CREB5: variants seen among roughly 807,000 people sequenced by gnomAD.
CREB5 encodes the protein cyclic AMP-responsive element-binding protein 5.
CREB5 carries 19 observed loss-of-function variants against 57.1 expected under a neutral mutation model. The ratio of observed to expected loss-of-function variants is 0.33; its 90% confidence interval spans 0.23 to 0.49. The LOEUF (loss-of-function observed/expected upper bound fraction) is 0.49. Ranked by LOEUF, CREB5 falls within the 20% of genes least tolerant of loss-of-function variation. The pLI, the probability that CREB5 is intolerant of heterozygous loss-of-function variation, is 0.99. For missense variants in CREB5, 579 were observed against 671.6 expected, an observed-to-expected ratio of 0.86 and a Z score of 1.52; for synonymous variants, 238 against 238.3, an observed-to-expected ratio of 1.00 and a Z score of 0.01.
In CREB5 at chr7:28,612,791, T is replaced by C. The variant is rs1037174192; in HGVS notation, c.464+42254T>C. Among the ~76,000 whole-genome samples the C allele has an allele frequency of 4.6e-5, 7 of 152,200 alleles. No individual in the cohort carries two copies. The South Asian group carries it at 1.0e-3, about 22-fold the overall frequency. On this transcript the variant is annotated intron_variant, in intron 5 of 10. Coordinates refer to ENST00000357727, the MANE Select transcript of CREB5 (RefSeq NM_182898.4). ...GAAATTACCTGTCAGTAGGATTATG[T>C]TAAATAATGTTGAATTGTTATTAGT...
chr7:28,471,537 C>T (rs1790806943), intron 1 of CREB5, among the ~76,000 whole-genome samples: 1 of 152,174 alleles, frequency 6.6e-6, no homozygotes, highest in Non-Finnish European at 1.5e-5. Context: ...AAACACTACA[C>T]AGTACTACAG....
intron 1 of CREB5, among the ~76,000 whole-genome samples, chr7:28,364,936 A>G (rs1786557292): frequency 6.6e-6 from 1 of 152,072 alleles, no homozygotes; most frequent in Non-Finnish European, 1.5e-5. Context: ...ATGCCCCTTT[A>G]TTTATGAGAC....
intron 5 of CREB5, among the ~76,000 whole-genome samples, chr7:28,642,981 C>CACACACAA (rs1798729076): frequency 9.4e-6 from 1 of 105,828 alleles, no homozygotes; most frequent in Non-Finnish European, 2.0e-5. Flanking sequence ...CACACACACA[C>CACACACAA]ACACATACAC....
intron 1 of CREB5, among the ~76,000 whole-genome samples, chr7:28,404,428 T>A (rs1787536248): frequency 6.6e-6 from 1 of 152,084 alleles, no homozygotes. Context: ...AGATCATGAA[T>A]TTACCTTGTA....
chr7:28,490,918 G>A (rs1791772563), intron 2 of CREB5, among the ~76,000 whole-genome samples: 2 of 152,222 alleles, frequency 1.3e-5, no homozygotes. Flanking sequence ...CAACAGGCAG[G>A]GTAGAAAGAA....
chr7:28,303,493 G>A (rs1038469806), intron 1 of CREB5, among the ~76,000 whole-genome samples: 1 of 152,144 alleles, frequency 6.6e-6, no homozygotes, highest in African/African-American at 2.4e-5. Context: ...ATGTAGAGAG[G>A]CTCTTACCTC....
intron 5 of CREB5, among the ~76,000 whole-genome samples, chr7:28,682,745 T>C (rs1313630162): frequency 6.6e-6 from 1 of 152,036 alleles, no homozygotes; most frequent in Non-Finnish European, 1.5e-5. Context: ...ATATTTGCTA[T>C]GTTTCTCATA....
Position 28,554,638 on chromosome 7 carries a change from C to A in CREB5, c.292-15727C>A, listed in dbSNP as rs922498446. Among the ~76,000 whole-genome samples the A allele has an allele frequency of 4.6e-5, 7 of 152,358 alleles. No homozygotes were observed. The East Asian group carries it at 1.3e-3, about 29-fold the overall frequency. ...ATATTAAAAGTGTAACTCTACTGGGCAGCACCCATTTGGTTACAGACACTG... is the reference window on the plus strand; with the variant it reads ...ATATTAAAAGTGTAACTCTACTGGGAAGCACCCATTTGGTTACAGACACTG... On this transcript the variant is annotated intron_variant, in intron 4 of 10. Transcript: ENST00000357727.
At chr7:28,724,849 G>C (rs1473739525) in intron 7 of CREB5, among the ~76,000 whole-genome samples, 1 of 152,188 alleles carries the variant, frequency 6.6e-6, no homozygotes, top group Non-Finnish European at 1.5e-5. Flanking sequence ...TGAAAGGCAT[G>C]ATTTCAGGTG....
chr7:28,493,239 T>G (rs1439685186), intron 2 of CREB5, among the ~76,000 whole-genome samples: 1 of 152,234 alleles, frequency 6.6e-6, no homozygotes, highest in Admixed American at 6.5e-5. Context: ...ATTTCTAAAT[T>G]GTTGAAGATT....
intron 5 of CREB5, among the ~76,000 whole-genome samples, chr7:28,578,337 TGTG>T (rs1304679634): frequency 6.6e-6 from 1 of 152,110 alleles, no homozygotes; most frequent in Non-Finnish European, 1.5e-5. Context: ...TCACATGGCT[TGTG>T]GTGTTTAGAG....
chr7:28,711,333 G>A (rs2128743136), intron 5 of CREB5, among the ~76,000 whole-genome samples: 1 of 152,326 alleles, frequency 6.6e-6, no homozygotes, highest in East Asian at 1.9e-4. Context: ...CCTCCCTTGA[G>A]CCTAAGAAAG....
At chr7:28,601,169 A>T (rs570668006) in intron 5 of CREB5, among the ~76,000 whole-genome samples, 1,692 of 144,942 alleles carry the variant, frequency 0.012, 14 homozygotes, top group Non-Finnish European at 0.017. Flanking sequence ...TATTATTATT[A>T]TTTTTTTTTT....
At chr7:28,629,580 C>A (rs1419847508) in intron 5 of CREB5, among the ~76,000 whole-genome samples, 1 of 152,158 alleles carries the variant, frequency 6.6e-6, no homozygotes, top group Non-Finnish European at 1.5e-5. Context: ...TTTCAGGAAA[C>A]ACGTTGGCCT....
intron 4 of CREB5, among the ~76,000 whole-genome samples, chr7:28,514,619 T>C (rs187976949): frequency 8.5e-4 from 130 of 152,228 alleles, no homozygotes; most frequent in Middle Eastern, 6.8e-3. Flanking sequence ...ATGGTCTCAA[T>C]CTCGGACCTC....
intron 7 of CREB5, among the ~76,000 whole-genome samples, chr7:28,744,563 G>T (rs945244064): frequency 2.0e-5 from 3 of 151,898 alleles, no homozygotes; most frequent in African/African-American, 7.3e-5. Context: ...GGCCAGGGTG[G>T]TCTCGATCTC....
In CREB5 at chr7:28,488,168, C is replaced by T; in HGVS notation, c.4-7C>T. The stretch of plus-strand genomic sequence containing the variant: ...TTTCCTTCCTCCCTTTCCCTCTGAT[C>T]CTTCAGATTTATGAGGAATCCAAGA... On this transcript the variant is annotated splice_polypyrimidine_tract_variant and splice_region_variant and intron_variant, in intron 1 of 10. Coordinates refer to ENST00000357727, the MANE Select transcript of CREB5 (RefSeq NM_182898.4). 6.2e-7 allele frequency: 1 copy of T among 1,613,414 alleles called. No homozygotes were observed. The highest frequency in any genetic ancestry group is 8.5e-7 in the Non-Finnish European group (1 of 1,179,532).
At chr7:28,415,407 G>A (rs142129314) in intron 1 of CREB5, among the ~76,000 whole-genome samples, 42 of 152,260 alleles carry the variant, frequency 2.8e-4, no homozygotes, top group African/African-American at 9.9e-4. Flanking sequence ...GCCCTTGTCA[G>A]GAATGGGGCA....
intron 4 of CREB5, among the ~76,000 whole-genome samples, chr7:28,553,638 G>A (rs1244985689): frequency 3.3e-5 from 5 of 152,200 alleles, no homozygotes; most frequent in Non-Finnish European, 7.3e-5. Flanking sequence ...TTATCGGAGC[G>A]TTATTTCAGT....
Sources: allele counts gnomAD v4.1 joint callset (sites outside exome capture counted in the v4.1 genomes callset), GRCh38; gene constraint gnomAD v4.1.1; transcripts MANE v1.5; gene names NCBI Gene and HGNC (gene_info 2026-07-23, HGNC 2026-07-21).